The following TTLL8 variants were observed in gnomAD, a reference collection of about 807,000 sequenced individuals.
The protein encoded by TTLL8 is tubulin tyrosine ligase like 8, also known as protein monoglycylase TTLL8.
TTLL8 carries 65 observed loss-of-function variants against 77.8 expected under a neutral mutation model. The ratio of observed to expected loss-of-function variants is 0.84; its 90% CI spans 0.68 to 1.03. TTLL8 has a LOEUF of 1.03. TTLL8 is among the 50% of genes least tolerant of loss of function. The pLI is 0.00. For synonymous variants in TTLL8, 402 were observed against 422.8 expected, an observed-to-expected ratio of 0.95 and a Z score of 0.60; for missense variants, 910 against 1,004.5, an observed-to-expected ratio of 0.91 and a Z score of 1.27.
upstream of TTLL8, chr22:50,056,821 G>A: frequency 7.8e-7 from 1 of 1,289,590 alleles, no homozygotes; most frequent in African/African-American, 1.5e-5. The surrounding 1 kb of genome is among the most constrained non-coding windows in gnomAD (Gnocchi z 4.1). Flanking sequence ...TCTGAGCCCG[G>A]GCCACTCTGG....
chr22:50,040,077 CAT>C (rs2061360622), intron 8 of TTLL8, among the ~76,000 whole-genome samples: 2 of 133,566 alleles, frequency 1.5e-5, no homozygotes, highest in African/African-American at 5.7e-5. Context: ...ACGGACCTCA[CAT>C]GTGCCAGCAT....
At chr22:50,049,128 G>A in intron 3 of TTLL8, 121 bp downstream of exon 5, 2 of 1,310,986 alleles carry the variant, frequency 1.5e-6, no homozygotes, top group Non-Finnish European at 2.0e-6. Flanking sequence ...CTGTGACTGG[G>A]GCTTTGCCCT....
At chr22:50,037,251 G>T (rs1388283761) in intron 8 of TTLL8, among the ~76,000 whole-genome samples, 1 of 151,736 alleles carries the variant, frequency 6.6e-6, no homozygotes, top group Non-Finnish European at 1.5e-5. Context: ...GTTGCCCCAG[G>T]CTGGAGTGCA....
chr22:50,040,892 C>A (rs1460992141), intron 8 of TTLL8, among the ~76,000 whole-genome samples: 1 of 152,166 alleles, frequency 6.6e-6, no homozygotes, highest in Non-Finnish European at 1.5e-5. Flanking sequence ...CAAGGGAGTG[C>A]TGAACCCCTG....
intron 4 of TTLL8, among the ~76,000 whole-genome samples, chr22:50,046,697 A>G (rs1445695729): frequency 6.6e-6 from 1 of 152,016 alleles, no homozygotes; most frequent in Non-Finnish European, 1.5e-5. Context: ...CTCTTCCGGG[A>G]CCCCTCCCTC....
chr22:50,055,955 A>G (rs1257628762), upstream of TTLL8, among the ~76,000 whole-genome samples: 1 of 152,200 alleles, frequency 6.6e-6, no homozygotes, highest in Non-Finnish European at 1.5e-5. Context: ...TCGGCACAAG[A>G]CACAGGTCAT....
rs781463930 is a variant in TTLL8 at position 50,053,394 on chromosome 22, A to G, written c.51+1182T>C. Among the ~76,000 whole-genome samples the G allele has an allele frequency of 6.6e-4, 100 of 152,330 alleles. 1 individual carries two copies. Among genetic ancestry groups the G allele is most frequent in the Non-Finnish European group, 1.3e-3 (87 of 68,030 alleles). On this transcript the variant is annotated intron_variant, in intron 1 of 13. Transcript: ENST00000266182. ...AACAATATAACTACAAAAAAGTAAC[A>G]AGTGTAGACTGTAAGAACAATACTT... is the stretch of plus-strand genomic sequence containing the variant.
At chr22:50,047,682 C>T (rs1410761363) in intron 3 of TTLL8, among the ~76,000 whole-genome samples, 2 of 152,200 alleles carry the variant, frequency 1.3e-5, no homozygotes, top group Non-Finnish European at 2.9e-5. Flanking sequence ...GCCCTGCACA[C>T]CCCTCCCTGA....
chr22:50,045,767 G>T (rs567369293), intron 5 of TTLL8, 89 bp downstream of exon 7: 1 of 1,255,956 alleles, frequency 8.0e-7, no homozygotes, highest in Admixed American at 2.5e-5. Context: ...CTCAGACCCT[G>T]CCCCATCAGT....
chr22:50,031,773 C>A lies in TTLL8; in HGVS notation c.1620G>T (p.Gln540His), dbSNP rs574783776. 7.2e-5 allele frequency: 99 copies of A among 1,366,148 alleles called. 1 individual carries two copies. The South Asian group carries it at 1.1e-3, about 15-fold the overall frequency. The allele number at this position is 1,366,148 out of a possible 1,614,324, so 84.6% of individuals were successfully genotyped here. The change falls in exon 11 of 14, where the codon CAG becomes CAT. Residue 540 changes from glutamine to histidine, a missense_variant. Coordinates refer to ENST00000266182, the Ensembl canonical transcript of TTLL8. The stretch of plus-strand genomic sequence containing the variant: ...TGTCCTCCTGCACCTGTGCACACAG[C>A]TGGGCCGTGACCGGCGTGGACGGGT...
chr22:50,031,476 C>T, intron 11 of TTLL8: 2 of 914,748 alleles, frequency 2.2e-6, no homozygotes, highest in Non-Finnish European at 2.6e-6. Context: ...TAGCCCCTTC[C>T]TCGGTGCCGA....
Position 50,031,634 on chromosome 22 carries a change from G to A in TTLL8, c.1707+52C>T, listed in dbSNP as rs904598501. The A allele has an allele frequency of 2.5e-6, 3 of 1,219,220 alleles. No homozygotes were observed. The African/African-American group carries it at 4.7e-5, about 19-fold the overall frequency. The allele number at this position is 1,219,220 out of a possible 1,614,324, so 75.5% of individuals were successfully genotyped here. A position where few individuals can be genotyped will look rare whatever the true frequency, so the allele number is the denominator to read the frequency against. On this transcript the variant is annotated intron_variant, in intron 11 of 13. Coordinates refer to ENST00000266182, the Ensembl canonical transcript of TTLL8. The stretch of plus-strand genomic sequence containing the variant: ...CCTCGCCCAGTGACCAGGTGGCAAA[G>A]CATCCACATGGCGGGCGGCCACCAA...
At chr22:50,040,113 G>A (rs750863897) in intron 8 of TTLL8, among the ~76,000 whole-genome samples, 4 of 147,526 alleles carry the variant, frequency 2.7e-5, no homozygotes, top group South Asian at 2.2e-4. Context: ...GTGTGCCAGC[G>A]TGGACGGACC....
chr22:50,022,327 CACTCCTCCATCTGACAATGTGT>C (rs2061208831), intron 12 of TTLL8, among the ~76,000 whole-genome samples: 1 of 148,928 alleles, frequency 6.7e-6, no homozygotes, highest in Admixed American at 6.7e-5. Flanking sequence ...CGACGACGTG[CACTCCTCCATCTGACAATGTGT>C]ACTCCTCCAT....
chr22:50,033,429 G>C, exon 10 of TTLL8: 1 of 1,364,076 alleles, frequency 7.3e-7, no homozygotes, highest in Non-Finnish European at 9.8e-7. Context: ...CCTCCACACG[G>C]TCCATGCACA....
intron 4 of TTLL8, among the ~76,000 whole-genome samples, chr22:50,046,352 G>A (rs1199762073): frequency 6.6e-6 from 1 of 152,222 alleles, no homozygotes; most frequent in African/African-American, 2.4e-5. Flanking sequence ...AGCGGCTGCA[G>A]GGCCCGGAAC....
intron 12 of TTLL8, among the ~76,000 whole-genome samples, chr22:50,027,122 G>C (rs1252368373): frequency 6.6e-6 from 1 of 151,910 alleles, no homozygotes; most frequent in Non-Finnish European, 1.5e-5. Flanking sequence ...TGTAGTCCCA[G>C]CTACTCAGGG....
At chr22:50,055,274 CT>C (rs1369146880), upstream of TTLL8, 1 of 1,290,042 alleles carries the variant, frequency 7.8e-7, no homozygotes, top group Non-Finnish European at 1.0e-6. Context: ...TATTTTGTAT[CT>C]GTCTAATCTG....
chr22:50,047,137 C>T (rs1285700898), intron 4 of TTLL8, 31 bp downstream of exon 6: 1 of 1,365,480 alleles, frequency 7.3e-7, no homozygotes, highest in African/African-American at 1.5e-5. Flanking sequence ...CCCTTGCCGG[C>T]TCCCGCCACG....
Sources: gnomAD v4.1 joint callset for allele counts (sites outside exome capture counted in the v4.1 genomes callset) on GRCh38, gnomAD v4.1.1 for gene constraint, Gnocchi (gnomAD v3.1) non-coding constraint, MANE v1.5 for transcripts, NCBI Gene and HGNC (gene_info 2026-07-23, HGNC 2026-07-21) for gene names.